Variants in MRPL40 observed in about 807,000 individuals in gnomAD.
The protein encoded by MRPL40 is large ribosomal subunit protein mL40.
A neutral mutation model predicts 24.5 loss-of-function variants in MRPL40; 18 were observed. The observed-to-expected ratio is 0.73, with a 90% CI of 0.51 to 1.09. MRPL40 has a LOEUF of 1.09. Among genes scored for constraint, MRPL40 ranks in the 50% least tolerant of loss-of-function variants. MRPL40 has a pLI of 0.00. For synonymous variants in MRPL40, 108 were observed against 94.6 expected, an observed-to-expected ratio of 1.14 and a Z score of -0.82; for missense variants, 256 against 243.8, an observed-to-expected ratio of 1.05 and a Z score of -0.33.
At chr22:19,432,645 G>A in intron 1 of MRPL40, 38 bp downstream of exon 1, 1 of 1,529,474 alleles carries the variant, frequency 6.5e-7, no homozygotes, top group Non-Finnish European at 8.8e-7. Context: ...GAGTGCCCAG[G>A]GCGCGTGCGG....
intron 2 of MRPL40, among the ~76,000 whole-genome samples, chr22:19,434,216 C>CTTTTTTTTT (rs35856980): frequency 1.8e-4 from 15 of 85,304 alleles, no homozygotes; most frequent in Admixed American, 4.3e-4. Flanking sequence ...TGCTTTTGTA[C>CTTTTTTTTT]TTTTTTTTTT....
chr22:19,434,971 C>A, intron 3 of MRPL40, 77 bp downstream of exon 3: 1 of 1,259,884 alleles, frequency 7.9e-7, no homozygotes, highest in Non-Finnish European at 1.1e-6. Flanking sequence ...GTCTGTAGTT[C>A]ACACCTGTGA....
rs1308699762 is a variant in MRPL40, at chr22:19,434,858, A to C, written c.260A>C (p.Asp87Ala). ...ACTCAAGAGCTAATTCCTATTGAAG[A>C]TTTTATTACCCCTCTAAAGTTCTTG... is the stretch of plus-strand genomic sequence containing the variant. ...KATQELIPIE[D>A]FITPLKFLDK... is the part of the protein sequence containing the mutation. The change falls in exon 3 of 4, where the codon GAT (aspartate) becomes GCT (alanine). Residue 87 changes from aspartate to alanine, a missense_variant. By Grantham distance (126) the Asp-to-Ala change is moderately radical. Transcript: ENST00000333130. The C allele has an allele frequency of 6.2e-7, 1 of 1,604,810 alleles. No homozygotes were observed. Among genetic ancestry groups the C allele is most frequent in the Non-Finnish European group, 8.5e-7 (1 of 1,177,840 alleles).
intron 3 of MRPL40, 46 bp downstream of exon 3, chr22:19,434,940 A>G (rs751461949): frequency 8.8e-6 from 13 of 1,484,070 alleles, no homozygotes; most frequent in Middle Eastern, 2.1e-4. Flanking sequence ...CAAAGGAGTA[A>G]TATCAACTTC....
intron 2 of MRPL40, 98 bp from the exon 3 acceptor site, chr22:19,434,638 C>A: frequency 1.0e-6 from 1 of 967,262 alleles, no homozygotes; most frequent in Non-Finnish European, 1.5e-6. Context: ...AGCTCCTTCC[C>A]CCAGTGGAGA....
chr22:19,434,902 T>C lies in MRPL40; in HGVS notation c.296+8T>C. ...GTTCTTGGATAAAGCAAGGTAAGGA[T>C]CCTTCTCTAGGGATGAAGTCCTCAG... On this transcript the variant is annotated splice_region_variant and intron_variant, in intron 3 of 3. Coordinates refer to ENST00000333130, the MANE Select transcript of MRPL40 (RefSeq NM_003776.4). 6.3e-7 allele frequency: 1 copy of C among 1,582,918 alleles called. No individual in the cohort carries two copies. Among genetic ancestry groups the C allele is most frequent in the Non-Finnish European group, 8.5e-7 (1 of 1,170,128 alleles).
chr22:19,434,590 C>A, intron 2 of MRPL40, 146 bp from the exon 3 acceptor site: 1 of 615,276 alleles, frequency 1.6e-6, no homozygotes, highest in Non-Finnish European at 2.8e-6. Flanking sequence ...GGGTGGAGTA[C>A]CTCCTCACCA....
chr22:19,434,952 G>GACACAACTACCT, intron 3 of MRPL40, 58 bp downstream of exon 3: 1 of 1,434,012 alleles, frequency 7.0e-7, no homozygotes, highest in Non-Finnish European at 9.5e-7. Context: ...ATCAACTTCA[G>GACACAACTACCT]GTAGTTGTGT....
chr22:19,433,169 C>A, intron 1 of MRPL40, 96 bp from the exon 2 acceptor site: 2 of 778,464 alleles, frequency 2.6e-6, no homozygotes, highest in Non-Finnish European at 4.4e-6. Flanking sequence ...TCGCGATCCA[C>A]CCGCCTCGGC....
rs779280016 is a variant in MRPL40 at position 19,435,713 on chromosome 22, C to T, written c.372C>T (p.Tyr124=). ...TGCTTCTGAAGAAGTGGTCCTTGTA[C>T]AAGCAGCAAGAGCGTAAGATGGAGA... ...RALLLKKWSL[Y]KQQERKMERD... Residue 124 remains tyrosine (Y), a synonymous_variant, in exon 4 of 4, where the codon TAC becomes TAT. Transcript: ENST00000333130. 2 of 1,614,146 alleles carry T rather than the reference C, an allele frequency of 1.2e-6. No homozygotes were observed. The highest frequency in any genetic ancestry group is 2.2e-5 in the South Asian group (2 of 91,082).
At position 19,432,577 on chromosome 22, in the gene MRPL40, G is replaced by T. The variant is rs1423258800; in HGVS notation, c.23G>T (p.Ser8Ile). Residue 8 changes from serine to isoleucine, a missense_variant, in exon 1 of 4, where the codon AGT becomes ATT. Coordinates refer to ENST00000333130, the MANE Select transcript of MRPL40 (RefSeq NM_003776.4). ...GCCATGACGGCCTCCGTGCTGCGAA[G>T]TATCTCGCTAGCCCTGCGCCCGACT... The part of the protein sequence containing the change: MTASVLR[S>I]ISLALRPTSG... 2.6e-6 allele frequency: 4 copies of T among 1,554,112 alleles called. No individual in the cohort carries two copies. Among genetic ancestry groups the T allele is most frequent in the Non-Finnish European group, 3.5e-6 (4 of 1,150,338 alleles).
chr22:19,434,219 T>TC (rs1491055082), intron 2 of MRPL40, among the ~76,000 whole-genome samples: 1 of 102,284 alleles, frequency 9.8e-6, no homozygotes, highest in East Asian at 3.0e-4. Flanking sequence ...TTTTGTACTT[T>TC]TTTTTTTTTT....
Position 19,435,892 on chromosome 22 carries a change from A to C in MRPL40, c.551A>C (p.Asn184Thr), listed in dbSNP as rs113315821. Residue 184 changes from asparagine (N) to threonine (T), a missense_variant, in exon 4 of 4, where the codon AAC (asparagine) becomes ACC (threonine). Transcript: ENST00000333130. ...CCACATTACACACCACCGATCCCTA[A>C]CTACCAACCCCCTGAAGGCAGGTAC... ...EGPHYTPPIP[N>T]YQPPEGRYND... 53 of 1,614,174 alleles carry C rather than the reference A, an allele frequency of 3.3e-5. 1 individual carries two copies. The African/African-American group carries it at 4.0e-4, about 12-fold the overall frequency.
intron 1 of MRPL40, 91 bp from the exon 2 acceptor site, chr22:19,433,174 C>T (rs2089559885): frequency 1.1e-5 from 9 of 826,956 alleles, no homozygotes; most frequent in South Asian, 9.7e-5. Flanking sequence ...ATCCACCCGC[C>T]TCGGCCTCCC....
intron 3 of MRPL40, 42 bp downstream of exon 3, chr22:19,434,936 AGTAATAT>A (rs751442234): frequency 1.3e-6 from 2 of 1,499,760 alleles, no homozygotes; most frequent in Non-Finnish European, 1.8e-6. Flanking sequence ...AGGACAAAGG[AGTAATAT>A]CAACTTCAGG....
Position 19,435,984 on chromosome 22 carries a change from A to T in MRPL40, c.*22A>T, listed in dbSNP as rs1191899463. 2 of 1,583,868 alleles carry T rather than the reference A, an allele frequency of 1.3e-6. No individual in the cohort carries two copies. The highest frequency in any genetic ancestry group is 1.7e-6 in the Non-Finnish European group (2 of 1,157,620). On this transcript the variant is annotated 3_prime_UTR_variant, in exon 4 of 4. Coordinates refer to ENST00000333130, the MANE Select transcript of MRPL40 (RefSeq NM_003776.4). ...ATAGACTTGCAGGCTGCTATCCTTA[A>T]CATGCTGCCCCTGAGAGTAGGAATG...
chr22:19,432,615 C>G lies in MRPL40; in HGVS notation c.53+8C>G. ...CCTGCGCCCGACTAGCGGGTGAGTGCGGACGCTGGCCGGATAGCGGAGTGC... is the reference window on the plus strand; with the variant it reads ...CCTGCGCCCGACTAGCGGGTGAGTGGGGACGCTGGCCGGATAGCGGAGTGC... On this transcript the variant is annotated splice_region_variant and intron_variant, in intron 1 of 3. Transcript: ENST00000333130. The G allele has an allele frequency of 6.5e-7, 1 of 1,549,358 alleles. No homozygotes were observed. The highest frequency in any genetic ancestry group is 1.7e-4 in the Middle Eastern group (1 of 5,950).
At position 19,434,989 on chromosome 22, in the gene MRPL40, T is replaced by C. The variant is rs187328682; in HGVS notation, c.296+95T>C. On this transcript the variant is annotated intron_variant, in intron 3 of 3. Coordinates refer to ENST00000333130, the MANE Select transcript of MRPL40 (RefSeq NM_003776.4). Reference sequence around the variant, plus strand: ...TGTAGTTCACACCTGTGATAGTCATTGGTCAGTAGGCTTGAGCTGACTTGG... The same window carrying C: ...TGTAGTTCACACCTGTGATAGTCATCGGTCAGTAGGCTTGAGCTGACTTGG... The C allele has an allele frequency of 4.2e-5, 48 of 1,131,520 alleles. No homozygotes were observed. The East Asian group carries it at 1.1e-3, about 27-fold the overall frequency. The allele number at this position is 1,131,520 out of a possible 1,614,324, so 70.1% of individuals were successfully genotyped here. A position where few individuals can be genotyped will look rare whatever the true frequency, so the allele number is the denominator to read the frequency against.
At chr22:19,432,701 C>A in intron 1 of MRPL40, 94 bp downstream of exon 1, 1 of 1,451,664 alleles carries the variant, frequency 6.9e-7, no homozygotes. Context: ...TCCCTGCTCG[C>A]CTCCCAGTCC....
Sources: allele counts gnomAD v4.1 joint callset (sites outside exome capture counted in the v4.1 genomes callset), GRCh38; gene constraint gnomAD v4.1.1; transcripts MANE v1.5; gene names NCBI Gene and HGNC (gene_info 2026-07-23, HGNC 2026-07-21).